Variants in CRISPLD1 observed in about 807,000 individuals in gnomAD.
CRISPLD1 encodes the protein cysteine rich secretory protein LCCL domain containing 1, also known as cysteine-rich secretory protein LCCL domain-containing 1.
In CRISPLD1, 60 loss-of-function variants were observed where a neutral mutation model predicts 77.5. The observed-to-expected ratio is 0.77, with a 90% CI of 0.63 to 0.96. CRISPLD1 has a LOEUF of 0.96. Ranked by LOEUF, CRISPLD1 falls within the 40% of genes least tolerant of loss-of-function variation. CRISPLD1 has a pLI of 0.00. For synonymous variants in CRISPLD1, 195 were observed against 200.1 expected, an observed-to-expected ratio of 0.97 and a Z score of 0.22; for missense variants, 623 against 615.8, an observed-to-expected ratio of 1.01 and a Z score of -0.12.
At position 74,986,234 on chromosome 8, in the gene CRISPLD1, A is replaced by G. The variant is rs1263869206; in HGVS notation, c.247A>G (p.Met83Val). The change falls in exon 2 of 15, where the codon ATG becomes GTG. Residue 83 changes from methionine (M) to valine (V), a missense_variant. Transcript: ENST00000262207. ...TCAGGTGTATCCAACAGCCTCTAATATGGAGTATATGGTAAGGACATTTTT... is the reference window on the plus strand; with the variant it reads ...TCAGGTGTATCCAACAGCCTCTAATGTGGAGTATATGGTAAGGACATTTTT... ...RSQVYPTASN[M>V]EYMTWDVELE... The G allele has an allele frequency of 7.4e-6, 12 of 1,613,982 alleles. No homozygotes were observed. The highest frequency in any genetic ancestry group is 1.0e-5 in the Non-Finnish European group (12 of 1,179,830).
chr8:74,992,916 T>TG (rs1256612759), intron 2 of CRISPLD1, among the ~76,000 whole-genome samples: 3 of 151,004 alleles, frequency 2.0e-5, no homozygotes, highest in African/African-American at 4.9e-5. Flanking sequence ...TTTTTTTTTT[T>TG]TTTTTTTTTT....
At chr8:75,006,006 C>T (rs1409819393) in intron 2 of CRISPLD1, among the ~76,000 whole-genome samples, 2 of 152,032 alleles carry the variant, frequency 1.3e-5, no homozygotes, top group African/African-American at 4.8e-5. Flanking sequence ...TTCTAGTGTG[C>T]CCATCATCCA....
At position 75,031,753 on chromosome 8, in the gene CRISPLD1, C is replaced by T. The variant is rs190917544; in HGVS notation, c.1452-438C>T. Among the ~76,000 whole-genome samples the T allele has an allele frequency of 8.5e-5, 13 of 152,128 alleles. No homozygotes were observed. The East Asian group carries it at 1.5e-3, about 18-fold the overall frequency. ...GTCAGACTTGGGCAATGATAATAAG[C>T]TAGCGCTCTAGAGTATTGCCTAAGT... On this transcript the variant is annotated intron_variant, in intron 14 of 14. Coordinates refer to ENST00000262207, the MANE Select transcript of CRISPLD1 (RefSeq NM_031461.6).
intron 14 of CRISPLD1, among the ~76,000 whole-genome samples, chr8:75,030,563 A>G (rs1813316622): frequency 6.6e-6 from 1 of 152,084 alleles, no homozygotes; most frequent in Non-Finnish European, 1.5e-5. Flanking sequence ...AAACAGTATA[A>G]TAATTATTTT....
intron 2 of CRISPLD1, among the ~76,000 whole-genome samples, chr8:74,992,855 A>G (rs180874209): frequency 1.1e-4 from 17 of 150,548 alleles, no homozygotes; most frequent in East Asian, 7.8e-4. Flanking sequence ...CTTGGTTTCA[A>G]TTGGTTACTT....
chr8:74,990,703 C>G (rs550411251), intron 2 of CRISPLD1, among the ~76,000 whole-genome samples: 2 of 151,896 alleles, frequency 1.3e-5, no homozygotes, highest in Admixed American at 1.3e-4. Context: ...TTCCTCCACC[C>G]TCACCCGCCA....
In CRISPLD1 at chr8:75,012,555, T is replaced by A; in HGVS notation, c.377+4T>A. 1 of 1,543,220 alleles carries A rather than the reference T, an allele frequency of 6.5e-7. No individual in the cohort carries two copies. Among genetic ancestry groups the A allele is most frequent in the Non-Finnish European group, 9.0e-7 (1 of 1,115,674 alleles). ...ATTTGGGAGCACACTGGGGAAGGTA[T>A]CTTAAAGCACAACTTTTTCTTTATG... On this transcript the variant is annotated splice_donor_region_variant and intron_variant, in intron 3 of 14. Coordinates refer to ENST00000262207, the MANE Select transcript of CRISPLD1 (RefSeq NM_031461.6).
At chr8:75,002,734 T>C (rs1812766747) in intron 2 of CRISPLD1, among the ~76,000 whole-genome samples, 1 of 152,032 alleles carries the variant, frequency 6.6e-6, no homozygotes, top group Non-Finnish European at 1.5e-5. Flanking sequence ...TGTTTGTGTG[T>C]TTCCTTGGCC....
intron 2 of CRISPLD1, among the ~76,000 whole-genome samples, chr8:75,002,360 T>A (rs1812757980): frequency 6.7e-6 from 1 of 148,220 alleles, no homozygotes; most frequent in Non-Finnish European, 1.5e-5. Context: ...GAAAATTCAT[T>A]AAGATCTAGT....
Position 75,019,929 on chromosome 8 carries a change from A to G in CRISPLD1, c.1171+16A>G, listed in dbSNP as rs763195970. On this transcript the variant is annotated intron_variant, in intron 11 of 14. Transcript: ENST00000262207. ...AAAGTAACAGGTTAGCACATTCTTC[A>G]TCTTATTTTCTTAGTACTGTGTAGT... The G allele has an allele frequency of 1.2e-6, 2 of 1,612,726 alleles. No homozygotes were observed. Among genetic ancestry groups the G allele is most frequent in the Non-Finnish European group, 1.7e-6 (2 of 1,178,734 alleles).
intron 13 of CRISPLD1, 150 bp from the exon 14 acceptor site, chr8:75,029,235 CTT>C (rs924037286): frequency 1.3e-6 from 1 of 793,290 alleles, no homozygotes; most frequent in African/African-American, 1.8e-5. Flanking sequence ...TTCAAACACT[CTT>C]TTATGCACAA....
intron 9 of CRISPLD1, 61 bp downstream of exon 9, chr8:75,017,174 A>T (rs1471212447): frequency 6.5e-7 from 1 of 1,535,070 alleles, no homozygotes; most frequent in Non-Finnish European, 9.0e-7. Context: ...TTTGATTTTT[A>T]TTGTGCAAAA....
At chr8:75,003,577 A>G (rs917727185) in intron 2 of CRISPLD1, among the ~76,000 whole-genome samples, 4 of 152,184 alleles carry the variant, frequency 2.6e-5, no homozygotes, top group African/African-American at 9.6e-5. Flanking sequence ...TATAAAATAT[A>G]CTGGGTTGTG....
chr8:75,022,389 A>G (rs1813151156), intron 12 of CRISPLD1, among the ~76,000 whole-genome samples: 1 of 152,000 alleles, frequency 6.6e-6, no homozygotes, highest in South Asian at 2.1e-4. Flanking sequence ...GATCGAGACC[A>G]TCCTGGCTAA....
chr8:75,008,275 T>G (rs1281785943), intron 2 of CRISPLD1, among the ~76,000 whole-genome samples: 3 of 152,108 alleles, frequency 2.0e-5, no homozygotes. Context: ...GCAATTGTAG[T>G]GTGGTTTGTC....
intron 2 of CRISPLD1, among the ~76,000 whole-genome samples, chr8:75,006,376 A>G (rs962196407): frequency 1.3e-5 from 2 of 152,162 alleles, no homozygotes; most frequent in Non-Finnish European, 2.9e-5. Flanking sequence ...TCATTTCTAT[A>G]TTATCTATAC....
chr8:74,985,349 T>C (rs1034447807), intron 1 of CRISPLD1, among the ~76,000 whole-genome samples: 12 of 152,114 alleles, frequency 7.9e-5, no homozygotes, highest in African/African-American at 2.7e-4. Flanking sequence ...TCATTTGCAG[T>C]AGTTCACGGG....
intron 14 of CRISPLD1, among the ~76,000 whole-genome samples, chr8:75,031,340 T>C (rs1813341585): frequency 6.6e-6 from 1 of 152,072 alleles, no homozygotes; most frequent in Non-Finnish European, 1.5e-5. Flanking sequence ...TTTGTAATTA[T>C]TAAGAAAATA....
chr8:75,010,147 A>G (rs1246649147), intron 2 of CRISPLD1, among the ~76,000 whole-genome samples: 1 of 152,096 alleles, frequency 6.6e-6, no homozygotes, highest in East Asian at 1.9e-4. Context: ...TTGCTAGAAA[A>G]TTAAGATACA....
Sources: gnomAD v4.1 joint callset for allele counts (sites outside exome capture counted in the v4.1 genomes callset) on GRCh38, gnomAD v4.1.1 for gene constraint, MANE v1.5 for transcripts, NCBI Gene and HGNC (gene_info 2026-07-23, HGNC 2026-07-21) for gene names.